Variants in FREM2 observed in about 807,000 individuals in gnomAD.
The protein encoded by FREM2 is FRAS1-related extracellular matrix protein 2.
Under a neutral mutation model 219.9 loss-of-function variants are expected in FREM2, and 119 were observed. The observed-to-expected ratio is 0.54, with a 90% CI of 0.47 to 0.63. The LOEUF (loss-of-function observed/expected upper bound fraction) is 0.63. Ranked by LOEUF, FREM2 falls within the 30% of genes least tolerant of loss-of-function variation. The pLI, the probability that FREM2 is intolerant of heterozygous loss-of-function variation, is 0.00. For missense variants in FREM2, 4,030 were observed against 3,993.6 expected (o/e 1.01, Z -0.25); for synonymous variants, 1,562 against 1,522.8 (o/e 1.03, Z -0.60).
chr13:38,808,805 G>A (rs539256914), intron 6 of FREM2, among the ~76,000 whole-genome samples: 1 of 151,986 alleles, frequency 6.6e-6, no homozygotes, highest in Non-Finnish European at 1.5e-5. Context: ...GTGCTGCAGA[G>A]AAACAAAGTG....
chr13:38,692,963 C>A (rs1304407150), intron 1 of FREM2, among the ~76,000 whole-genome samples: 1 of 152,210 alleles, frequency 6.6e-6, no homozygotes, highest in African/African-American at 2.4e-5. Flanking sequence ...AAAAAGCCTT[C>A]AAACTTAGGT....
At chr13:38,793,191 A>G (rs551761632) in intron 6 of FREM2, among the ~76,000 whole-genome samples, 2 of 152,364 alleles carry the variant, frequency 1.3e-5, no homozygotes, top group African/African-American at 4.8e-5. Flanking sequence ...ACAGCAAACA[A>G]GAGAACCATG....
At chr13:38,810,410 AG>A (rs1875430940) in intron 6 of FREM2, among the ~76,000 whole-genome samples, 1 of 152,056 alleles carries the variant, frequency 6.6e-6, no homozygotes, top group Non-Finnish European at 1.5e-5. Context: ...TCTCAGAGAA[AG>A]GGCTTTCAGG....
rs142727630 is a variant in FREM2, at chr13:38,694,416, G to A, written c.5173+1899G>A. Among the ~76,000 whole-genome samples, 6 of 152,308 alleles carry A rather than the reference G, an allele frequency of 3.9e-5. No individual in the cohort carries two copies. The East Asian group carries it at 9.6e-4, about 24-fold the overall frequency. On this transcript the variant is annotated intron_variant, in intron 1 of 23. Transcript: ENST00000280481. Reference sequence around the variant, plus strand: ...ACAAGTCAAGGCTAGACTTTGATCCGTAGCTGTTATTTATGGAGATTAGAT... The same window carrying A: ...ACAAGTCAAGGCTAGACTTTGATCCATAGCTGTTATTTATGGAGATTAGAT...
chr13:38,716,028 A>G (rs1870984936), intron 2 of FREM2, among the ~76,000 whole-genome samples: 1 of 152,188 alleles, frequency 6.6e-6, no homozygotes, highest in African/African-American at 2.4e-5. Flanking sequence ...ACGCCAGAGT[A>G]TAAGCAAGAA....
chr13:38,873,016 A>G, intron 17 of FREM2, 82 bp downstream of exon 17: 1 of 1,087,668 alleles, frequency 9.2e-7, no homozygotes, highest in Non-Finnish European at 1.4e-6. Context: ...GCCATTGCTA[A>G]AAGTAGTACT....
At chr13:38,789,983 A>G (rs1354724082) in intron 6 of FREM2, among the ~76,000 whole-genome samples, 1 of 152,124 alleles carries the variant, frequency 6.6e-6, no homozygotes, top group East Asian at 1.9e-4. Flanking sequence ...TTTTATATGT[A>G]GAAAGCCTAT....
intron 14 of FREM2, among the ~76,000 whole-genome samples, chr13:38,860,642 A>G (rs896743994): frequency 6.6e-6 from 1 of 152,074 alleles, no homozygotes; most frequent in Non-Finnish European, 1.5e-5. Flanking sequence ...ATATTTGTCT[A>G]TTTTCTCTGT....
chr13:38,711,267 A>G (rs1488672814), intron 2 of FREM2, among the ~76,000 whole-genome samples: 1 of 152,164 alleles, frequency 6.6e-6, no homozygotes, highest in African/African-American at 2.4e-5. Context: ...TATGTGGTAA[A>G]AGTAAACATT....
chr13:38,842,428 A>C (rs1343655775), intron 6 of FREM2, among the ~76,000 whole-genome samples: 2 of 152,116 alleles, frequency 1.3e-5, no homozygotes, highest in Admixed American at 6.6e-5. Context: ...AGGGGAGTGG[A>C]GGTGACCCTG....
chr13:38,712,185 C>T (rs528215905), intron 2 of FREM2, among the ~76,000 whole-genome samples: 13 of 152,180 alleles, frequency 8.5e-5, no homozygotes, highest in Admixed American at 5.9e-4. Flanking sequence ...TGAGCCACCG[C>T]GCCCAGCCCC....
rs1308737293 is a variant in FREM2, at chr13:38,692,041, A to G, written c.4697A>G (p.Lys1566Arg). ...GTCGAAGACAGAGATACTCCTGACA[A>G]GCTCCTGAAATTCACTATCACCCAG... is the stretch of plus-strand genomic sequence containing the variant. ...LTVEDRDTPD[K>R]LLKFTITQVP... Residue 1566 changes from lysine (K) to arginine (R), a missense_variant, in exon 1 of 24, where the codon AAG (lysine) becomes AGG (arginine). Coordinates refer to ENST00000280481, the MANE Select transcript of FREM2 (RefSeq NM_207361.6). 4 of 1,614,092 alleles carry G rather than the reference A, an allele frequency of 2.5e-6. No homozygotes were observed. Among genetic ancestry groups the G allele is most frequent in the Middle Eastern group, 1.6e-4 (1 of 6,084 alleles).
Position 38,878,161 on chromosome 13 carries a change from T to C in FREM2, c.8699T>C (p.Val2900Ala). ...EGDIIYGRVM[V>A]DPVQNLGDSF... ...GATATAATTTATGGTCGTGTCATGG[T>C]GGATCCTGTCCAGAATCTGGGTGAC... Residue 2900 changes from valine to alanine, a missense_variant, in exon 22 of 24, where the codon GTG (valine) becomes GCG (alanine). By Grantham distance (64) the Val-to-Ala change is moderately conservative (BLOSUM62 0). This residue lies in a region of FREM2 where 928 missense variants were observed against 1,042.9 expected (regional missense o/e 0.89). Transcript: ENST00000280481. 6.2e-7 allele frequency: 1 copy of C among 1,613,870 alleles called. No homozygotes were observed. Among genetic ancestry groups the C allele is most frequent in the African/African-American group, 1.3e-5 (1 of 75,026 alleles).
Position 38,886,642 on chromosome 13 carries a change from C to T in FREM2, c.*5855C>T, listed in dbSNP as rs1414339350. On this transcript the variant is annotated 3_prime_UTR_variant, in exon 24 of 24. Transcript: ENST00000280481. ...CGAACTCCCAACCTCAGATGATCCT[C>T]CCGCCTCCACCTCCCAAAGTACTGG... The T allele has an allele frequency of 6.6e-6, 1 of 152,142 alleles. No homozygotes were observed. The highest frequency in any genetic ancestry group is 2.4e-5 in the African/African-American group (1 of 41,408). The allele number at this position is 152,142 out of a possible 1,614,324, so 9.4% of individuals were successfully genotyped here.
intron 6 of FREM2, among the ~76,000 whole-genome samples, chr13:38,823,329 G>A (rs1029025744): frequency 2.6e-5 from 4 of 151,784 alleles, no homozygotes; most frequent in Admixed American, 6.6e-5. Context: ...CTTTCCACCA[G>A]ACCATTCATC....
chr13:38,702,300 G>GA (rs200495014), intron 2 of FREM2, among the ~76,000 whole-genome samples: 17 of 150,224 alleles, frequency 1.1e-4, no homozygotes, highest in East Asian at 3.9e-4. Context: ...AGCCTTTTCA[G>GA]AAAAAAAAAC....
intron 1 of FREM2, among the ~76,000 whole-genome samples, chr13:38,696,414 TC>T (rs1411536088): frequency 6.6e-6 from 1 of 152,214 alleles, no homozygotes; most frequent in Non-Finnish European, 1.5e-5. Flanking sequence ...GCCATTGTCT[TC>T]TTTATAAGCC....
chr13:38,725,280 T>A (rs1871469498), intron 2 of FREM2, among the ~76,000 whole-genome samples: 1 of 152,214 alleles, frequency 6.6e-6, no homozygotes, highest in Non-Finnish European at 1.5e-5. Context: ...CTCTCTGCCT[T>A]CATAATACTT....
intron 6 of FREM2, among the ~76,000 whole-genome samples, chr13:38,819,681 C>T (rs1875946329): frequency 6.6e-6 from 1 of 152,042 alleles, no homozygotes; most frequent in Admixed American, 6.6e-5. Context: ...TCATGAACAC[C>T]TTCCAAGATG....
Sources: gnomAD v4.1 joint callset for allele counts (sites outside exome capture counted in the v4.1 genomes callset) on GRCh38, gnomAD v4.1.1 for gene constraint, gnomAD v4.1.1 regional missense constraint, MANE v1.5 for transcripts, NCBI Gene and HGNC (gene_info 2026-07-23, HGNC 2026-07-21) for gene names.